CAMKK1: variants seen among roughly 807,000 people sequenced by gnomAD.
CAMKK1 encodes the protein calcium/calmodulin dependent protein kinase kinase 1, also known as calcium/calmodulin-dependent protein kinase kinase 1.
Under a neutral mutation model 63.5 loss-of-function variants are expected in CAMKK1, and 20 were observed. The ratio of observed to expected loss-of-function variants is 0.32; its 90% CI spans 0.22 to 0.46. CAMKK1 has a LOEUF of 0.46. CAMKK1 is among the 20% of genes least tolerant of loss of function. The pLI is 1.00. For missense variants in CAMKK1, 588 were observed against 658.1 expected (o/e 0.89, Z 1.17); for synonymous variants, 253 against 269.0 (o/e 0.94, Z 0.58).
At chr17:3,888,334 T>C (rs963686023) in intron 1 of CAMKK1, among the ~76,000 whole-genome samples, 2 of 152,146 alleles carry the variant, frequency 1.3e-5, no homozygotes, top group African/African-American at 4.8e-5. Context: ...CGGGTGGGGA[T>C]GGGCCCGGGG....
In CAMKK1 at chr17:3,861,867, G is replaced by T; in HGVS notation, c.*344C>A. On this transcript the variant is annotated 3_prime_UTR_variant, in exon 16 of 16. Transcript: ENST00000348335. ...AGCCTGGCCTCCACCTGCCATCTTG[G>T]TCTCCTGCCTCTGCCTCCTGCCCCA... is the stretch of plus-strand genomic sequence containing the variant. The T allele has an allele frequency of 3.0e-6, 1 of 331,224 alleles. No homozygotes were observed. The highest frequency in any genetic ancestry group is 5.7e-6 in the Non-Finnish European group (1 of 174,074). 20.5% of individuals were successfully genotyped at this position (331,224 alleles called of 1,614,324 possible).
intron 12 of CAMKK1, among the ~76,000 whole-genome samples, chr17:3,871,844 C>T (rs1336375157): frequency 6.6e-6 from 1 of 152,006 alleles, no homozygotes; most frequent in Non-Finnish European, 1.5e-5. Context: ...TGGGGTTTCA[C>T]CATGTTGGCC....
chr17:3,869,606 A>G lies in CAMKK1; in HGVS notation c.1222T>C (p.Trp408Arg), dbSNP rs1410945234. 1 of 1,614,056 alleles carries G rather than the reference A, an allele frequency of 6.2e-7. No individual in the cohort carries two copies. The highest frequency in any genetic ancestry group is 8.5e-7 in the Non-Finnish European group (1 of 1,180,028). The change falls in exon 14 of 16, where the codon TGG (tryptophan) becomes CGG (arginine). Residue 408 changes from tryptophan to arginine, a missense_variant. Physicochemically the swap from Trp to Arg is moderately radical, Grantham distance 101 (BLOSUM62 -3). Transcript: ENST00000348335. The part of the protein sequence containing the change: ...IGVPDIKLHP[W>R]VTKNGEEPLP... ...GGCTCCTCCCCGTTCTTGGTCACCC[A>G]AGGGTGCAACTGTCGGGGCCGGGAG...
chr17:3,880,577 A>G (rs2055366024), intron 8 of CAMKK1, 143 bp from the exon 9 acceptor site: 2 of 633,788 alleles, frequency 3.2e-6, no homozygotes, highest in Non-Finnish European at 5.7e-6. Flanking sequence ...ATAATAAAAA[A>G]TTTAAAGCAC....
rs745519128 is a variant in CAMKK1 at position 3,880,430 on chromosome 17, C to T, written c.712G>A (p.Val238Ile). 2.0e-5 allele frequency: 33 copies of T among 1,613,344 alleles called. No homozygotes were observed. Among genetic ancestry groups the T allele is most frequent in the East Asian group, 8.9e-5 (4 of 44,868 alleles). The stretch of plus-strand genomic sequence containing the variant: ...GGCTTGTCACAGGGCACTTCCATGA[C>T]GGGCCTATGGAGAAGGATGCGGGGA... ...LVFDLLRKGP[V>I]MEVPCDKPFS... The change falls in exon 9 of 16, where the codon GTC (valine) becomes ATC (isoleucine). Residue 238 changes from valine (V) to isoleucine (I), a missense_variant. Physicochemically the swap from Val to Ile is conservative, Grantham distance 29 (BLOSUM62 3). This residue lies in a region of CAMKK1 where 357 missense variants were observed against 407.4 expected (regional missense o/e 0.88). Transcript: ENST00000348335.
chr17:3,883,463 G>A lies in CAMKK1; in HGVS notation c.480C>T (p.Ser160=). 1 of 1,613,766 alleles carries A rather than the reference G, an allele frequency of 6.2e-7. No individual in the cohort carries two copies. Among genetic ancestry groups the A allele is most frequent in the African/African-American group, 1.3e-5 (1 of 75,022 alleles). Residue 160 remains serine (S), a synonymous_variant, in exon 5 of 16, where the codon TCC becomes TCT. Coordinates refer to ENST00000348335, the MANE Select transcript of CAMKK1 (RefSeq NM_032294.3). The surrounding 1 kb of genome is among the most constrained non-coding windows in gnomAD (Gnocchi z 4.7). ...EDRHYAMKVL[S]KKKLLKQYGF... is the part of the protein sequence containing the mutation. ...CATACTGCTTCAGTAACTTCTTTTT[G>A]GAAAGGACTTTCATTGCCTAAGGAA...
chr17:3,885,389 G>T lies in CAMKK1; in HGVS notation c.299C>A (p.Ser100Tyr). 1 of 1,611,472 alleles carries T rather than the reference G, an allele frequency of 6.2e-7. No homozygotes were observed. Among genetic ancestry groups the T allele is most frequent in the Non-Finnish European group, 8.5e-7 (1 of 1,179,016 alleles). The change falls in exon 2 of 16, where the codon TCC becomes TAC. Residue 100 changes from serine to tyrosine, a missense_variant. This residue lies in a region of CAMKK1 where 357 missense variants were observed against 407.4 expected (regional missense o/e 0.88). Coordinates refer to ENST00000348335, the MANE Select transcript of CAMKK1 (RefSeq NM_032294.3). ...PYATGPASHI[S>Y]PRAWRRPTIE... ...GGTGGGCCTCCGCCAGGCCCGGGGG[G>T]AGATGTGGCTGGCAGGCCCCGTGGC...
At chr17:3,871,676 G>GTT (rs1221638739) in intron 12 of CAMKK1, among the ~76,000 whole-genome samples, 24 of 119,320 alleles carry the variant, frequency 2.0e-4, no homozygotes, top group South Asian at 2.6e-4. Context: ...TCTTTCTTCT[G>GTT]TTTTTTTTTT....
rs1341373817 is a variant in CAMKK1, at chr17:3,889,576, G to A, written c.-44+3363C>T. Among the ~76,000 whole-genome samples, 2 of 152,108 alleles carry A rather than the reference G, an allele frequency of 1.3e-5. No homozygotes were observed. The highest frequency in any genetic ancestry group is 3.2e-3 in the Middle Eastern group (1 of 316). ...CCCAGGGCGATGGAAGGAACAGAAT[G>A]AGGTGTGGACACAGGAGTAGTTTGT... On this transcript the variant is annotated intron_variant, in intron 1 of 15. Coordinates refer to ENST00000348335, the MANE Select transcript of CAMKK1 (RefSeq NM_032294.3). This position sits in a 1 kb window ranked among gnomAD's most constrained non-coding sequence, Gnocchi z 5.2.
At chr17:3,877,952 C>CTGCA (rs548529998) in intron 9 of CAMKK1, among the ~76,000 whole-genome samples, 1 of 152,172 alleles carries the variant, frequency 6.6e-6, no homozygotes, top group Non-Finnish European at 1.5e-5. Flanking sequence ...ATTTCTCTGC[C>CTGCA]TGCAATGCCT....
intron 15 of CAMKK1, among the ~76,000 whole-genome samples, chr17:3,863,976 A>G (rs1357418679): frequency 6.7e-6 from 1 of 150,292 alleles, no homozygotes; most frequent in South Asian, 2.1e-4. Flanking sequence ...TTTTTGAGAC[A>G]GGGTCTGGCT....
chr17:3,873,319 A>T, intron 11 of CAMKK1, 90 bp downstream of exon 11: 2 of 1,187,934 alleles, frequency 1.7e-6, no homozygotes, highest in Non-Finnish European at 2.5e-6. Context: ...TTCAAAAGCC[A>T]CTTAAGGACA....
chr17:3,869,313 C>T (rs1411426001), intron 14 of CAMKK1, among the ~76,000 whole-genome samples, 174 bp downstream of exon 14: 6 of 152,188 alleles, frequency 3.9e-5, no homozygotes, highest in South Asian at 2.1e-4. Context: ...CCTGGTCTCC[C>T]GACCACAAGA....
At chr17:3,875,015 G>A (rs949431595) in intron 10 of CAMKK1, among the ~76,000 whole-genome samples, 5 of 151,932 alleles carry the variant, frequency 3.3e-5, no homozygotes, top group South Asian at 2.1e-4. Context: ...CCAGCTACTC[G>A]GGAGGTTGAG....
chr17:3,871,573 G>C (rs545260437), intron 12 of CAMKK1, among the ~76,000 whole-genome samples: 1 of 149,340 alleles, frequency 6.7e-6, no homozygotes, highest in South Asian at 2.1e-4. Flanking sequence ...AGCCAGGATG[G>C]TCTCGATCTC....
At chr17:3,869,282 G>A (rs1368736816) in intron 14 of CAMKK1, among the ~76,000 whole-genome samples, 3 of 152,178 alleles carry the variant, frequency 2.0e-5, no homozygotes, top group Non-Finnish European at 4.4e-5. Context: ...CTTTAAATCA[G>A]TCACTCTCCT....
rs1324260775 is a variant in CAMKK1 at position 3,872,623 on chromosome 17, G to A, written c.1055C>T (p.Pro352Leu). Residue 352 changes from proline (P) to leucine (L), a missense_variant, in exon 12 of 16, where the codon CCA (proline) becomes CTA (leucine). By Grantham distance (98) the Pro-to-Leu change is moderately conservative. Coordinates refer to ENST00000348335, the MANE Select transcript of CAMKK1 (RefSeq NM_032294.3). ...TLYCFVYGKC[P>L]FIDDFILALH... ...GGCCAGGATGAAATCGTCGATGAATGGGCACTGTGGGGTGGAGAGGCAGAC... is the reference window on the plus strand; with the variant it reads ...GGCCAGGATGAAATCGTCGATGAATAGGCACTGTGGGGTGGAGAGGCAGAC... 7.4e-6 allele frequency: 12 copies of A among 1,613,510 alleles called. No homozygotes were observed. Among genetic ancestry groups the A allele is most frequent in the Admixed American group, 1.7e-5 (1 of 60,018 alleles).
intron 10 of CAMKK1, 76 bp from the exon 11 acceptor site, chr17:3,873,538 G>A (rs905102456): frequency 7.0e-7 from 1 of 1,423,406 alleles, no homozygotes; most frequent in Non-Finnish European, 9.9e-7. Flanking sequence ...CGGGCTGCAG[G>A]AGAGGCCTGC....
intron 9 of CAMKK1, among the ~76,000 whole-genome samples, chr17:3,878,205 G>A (rs984143701): frequency 6.6e-6 from 1 of 152,148 alleles, no homozygotes; most frequent in Non-Finnish European, 1.5e-5. Flanking sequence ...GGGCCACCCT[G>A]ACCACCGAGC....
Sources: gnomAD v4.1 joint callset for allele counts (sites outside exome capture counted in the v4.1 genomes callset) on GRCh38, gnomAD v4.1.1 for gene constraint, gnomAD v4.1.1 regional missense constraint, Gnocchi (gnomAD v3.1) non-coding constraint, MANE v1.5 for transcripts, NCBI Gene and HGNC (gene_info 2026-07-23, HGNC 2026-07-21) for gene names.